FREM2: variants seen among roughly 807,000 people sequenced by gnomAD.
The protein encoded by FREM2 is FRAS1-related extracellular matrix protein 2.
FREM2 carries 119 observed loss-of-function variants against 219.9 expected under a neutral mutation model. The ratio of observed to expected loss-of-function variants is 0.54; its 90% CI spans 0.47 to 0.63. The LOEUF is 0.63. FREM2 is among the 30% of genes least tolerant of loss of function. The pLI is 0.00. For synonymous variants in FREM2, 1,562 were observed against 1,522.8 expected (o/e 1.03, Z -0.60); for missense variants, 4,030 against 3,993.6 (o/e 1.01, Z -0.25).
Position 38,769,705 on chromosome 13 carries a change from G to A in FREM2, c.5538G>A (p.Glu1846=). Residue 1846 remains glutamate (E), a synonymous_variant, in exon 4 of 24, where the codon GAG becomes GAA. Coordinates refer to ENST00000280481, the MANE Select transcript of FREM2 (RefSeq NM_207361.6). Reference sequence around the variant, plus strand: ...GAGTGCGGATCCTGAGTGATGGGGAGCATGAGCAGTCTGAAACCTTTCAGG... The same window carrying A: ...GAGTGCGGATCCTGAGTGATGGGGAACATGAGCAGTCTGAAACCTTTCAGG... The part of the protein sequence containing the change: ...TWRVRILSDG[E]HEQSETFQVV... 1.2e-6 allele frequency: 2 copies of A among 1,614,138 alleles called. No individual in the cohort carries two copies. Among genetic ancestry groups the A allele is most frequent in the East Asian group, 2.2e-5 (1 of 44,876 alleles).
rs1243519803 is a variant in FREM2 at position 38,687,897 on chromosome 13, A to C, written c.553A>C (p.Asn185His). ...VFTQLEVVTR[N>H]LPLVVEELLG... ...CACCCAGCTGGAGGTTGTGACTCGG[A>C]ACTTGCCTCTGGTCGTGGAAGAGCT... The change falls in exon 1 of 24, where the codon AAC becomes CAC. Residue 185 changes from asparagine to histidine, a missense_variant. This residue lies in a region of FREM2 where 3,102 missense variants were observed against 2,950.7 expected (regional missense o/e 1.05). Coordinates refer to ENST00000280481, the MANE Select transcript of FREM2 (RefSeq NM_207361.6). 11 of 1,589,040 alleles carry C rather than the reference A, an allele frequency of 6.9e-6. No individual in the cohort carries two copies. The highest frequency in any genetic ancestry group is 8.6e-6 in the Non-Finnish European group (10 of 1,165,938).
intron 2 of FREM2, among the ~76,000 whole-genome samples, chr13:38,741,988 A>G (rs1452102364): frequency 6.6e-6 from 1 of 152,218 alleles, no homozygotes; most frequent in Non-Finnish European, 1.5e-5. Flanking sequence ...GAAATACACT[A>G]TGAGTAAACA....
At chr13:38,880,198 C>A in intron 23 of FREM2, 86 bp from the exon 24 acceptor site, 1 of 1,306,332 alleles carries the variant, frequency 7.7e-7, no homozygotes, top group Non-Finnish European at 1.1e-6. Context: ...ATTAATATCT[C>A]TGCCATTAAT....
chr13:38,715,605 T>A (rs1870966614), intron 2 of FREM2, among the ~76,000 whole-genome samples: 1 of 148,718 alleles, frequency 6.7e-6, no homozygotes, highest in South Asian at 2.1e-4. Context: ...ACCAGTTGGT[T>A]TTTTTTTTTT....
chr13:38,863,092 C>A (rs1267808842), intron 15 of FREM2, among the ~76,000 whole-genome samples: 1 of 152,058 alleles, frequency 6.6e-6, no homozygotes, highest in East Asian at 1.9e-4. Context: ...CTCTGTTACC[C>A]AGGCTGGAGT....
rs192125026 is a variant in FREM2 at position 38,696,965 on chromosome 13, A to C, written c.5174-733A>C. ...TGGGATTACAGGAACGCACCACCACACCCAGCCAATTTTTAATAGAGACAG... is the reference window on the plus strand; with the variant it reads ...TGGGATTACAGGAACGCACCACCACCCCCAGCCAATTTTTAATAGAGACAG... On this transcript the variant is annotated intron_variant, in intron 1 of 23. Transcript: ENST00000280481. 6.6e-5 allele frequency among the ~76,000 whole-genome samples: 10 copies of C among 151,752 alleles called. No homozygotes were observed. The East Asian group carries it at 1.9e-3, about 30-fold the overall frequency.
Position 38,857,875 on chromosome 13 carries a change from T to C in FREM2, c.7057T>C (p.Leu2353=), listed in dbSNP as rs1431069503. The C allele has an allele frequency of 8.1e-6, 13 of 1,612,852 alleles. No individual in the cohort carries two copies. The highest frequency in any genetic ancestry group is 1.6e-4 in the Middle Eastern group (1 of 6,078). The part of the protein sequence containing the change: ...PDENMIAEMQ[L]TKAIVYIEEM... ...AGTGATAATTGTCTTTTCCTTCTAGTTGACGAAAGCCATTGTGTACATAGA... is the reference window on the plus strand; with the variant it reads ...AGTGATAATTGTCTTTTCCTTCTAGCTGACGAAAGCCATTGTGTACATAGA... The change falls in exon 13 of 24, where the codon TTG becomes CTG. Residue 2353 remains leucine, a splice_region_variant and synonymous_variant. Transcript: ENST00000280481.
chr13:38,851,230 G>A, intron 10 of FREM2, 122 bp downstream of exon 10: 1 of 906,678 alleles, frequency 1.1e-6, no homozygotes, highest in Non-Finnish European at 1.7e-6. Flanking sequence ...GGGTTTTTAA[G>A]CAATTGAGAA....
intron 1 of FREM2, among the ~76,000 whole-genome samples, chr13:38,694,207 T>A (rs1870013852): frequency 6.6e-6 from 1 of 152,260 alleles, no homozygotes; most frequent in Non-Finnish European, 1.5e-5. Flanking sequence ...AGGCAGTTGT[T>A]CTTTCTCTTA....
At chr13:38,693,963 A>C (rs1353462136) in intron 1 of FREM2, among the ~76,000 whole-genome samples, 2 of 152,194 alleles carry the variant, frequency 1.3e-5, no homozygotes, top group African/African-American at 4.8e-5. Context: ...ACACTGGTTT[A>C]TTTTCATGGA....
At position 38,872,821 on chromosome 13, in the gene FREM2, T is replaced by A. The variant is rs1171604561; in HGVS notation, c.8063T>A (p.Val2688Glu). The change falls in exon 17 of 24, where the codon GTA becomes GAA. Residue 2688 changes from valine to glutamate, a missense_variant. Val to Glu is a moderately radical substitution (Grantham distance 121). Around this residue, in one of 2 missense-constraint regions of FREM2, gnomAD observed 928 missense variants for 1,042.9 expected, o/e 0.89. Transcript: ENST00000280481. Reference protein sequence around the residue: ...VSYVFHSPVGVGGWQHFDLKS... With the variant: ...VSYVFHSPVGEGGWQHFDLKS... ...TACGTGTTCCATTCCCCCGTGGGGG[T>A]AGGAGGCTGGCAGCATTTTGACTTG... 1 of 1,613,924 alleles carries A rather than the reference T, an allele frequency of 6.2e-7. No homozygotes were observed. The highest frequency in any genetic ancestry group is 1.7e-5 in the Admixed American group (1 of 60,010).
chr13:38,864,568 C>T lies in FREM2; in HGVS notation c.7945C>T (p.Leu2649Phe). 1 of 1,614,212 alleles carries T rather than the reference C, an allele frequency of 6.2e-7. No homozygotes were observed. Among genetic ancestry groups the T allele is most frequent in the Non-Finnish European group, 8.5e-7 (1 of 1,180,020 alleles). Residue 2649 changes from leucine to phenylalanine, a missense_variant, in exon 16 of 24, where the codon CTT (leucine) becomes TTT (phenylalanine). Physicochemically the swap from Leu to Phe is conservative, Grantham distance 22. Around this residue, in one of 2 missense-constraint regions of FREM2, gnomAD observed 928 missense variants for 1,042.9 expected, o/e 0.89. Transcript: ENST00000280481. Reference protein sequence around the residue: ...FVSYYDMSELLADCGGTIGTD... With the variant: ...FVSYYDMSELFADCGGTIGTD... ...TAGCTACTATGACATGTCAGAACTC[C>T]TTGCTGACTGTGGTGGCACCATTGG...
chr13:38,703,187 A>G (rs1259495833), intron 2 of FREM2, among the ~76,000 whole-genome samples: 1 of 152,160 alleles, frequency 6.6e-6, no homozygotes, highest in Non-Finnish European at 1.5e-5. Context: ...CAAAATAATT[A>G]CTGATAATTA....
At position 38,690,994 on chromosome 13, in the gene FREM2, A is replaced by ATGCTGATGTTCCCCTGG; in HGVS notation, c.3651_3667dup (p.Asp1223ValfsTer9). 6.2e-7 allele frequency: 1 copy of ATGCTGATGTTCCCCTGG among 1,614,110 alleles called. No homozygotes were observed. On this transcript the variant is annotated frameshift_variant, in exon 1 of 24. Transcript: ENST00000280481. LOFTEE classifies it high-confidence loss of function. The stretch of plus-strand genomic sequence containing the variant: ...GATACACCCATTCTCAATGCTGCTG[A>ATGCTGATGTTCCCCTGG]TGCTGATGTTCCCCTGGATGATTTA...
chr13:38,749,201 C>G lies in FREM2; in HGVS notation c.5264-15103C>G, dbSNP rs189885376. On this transcript the variant is annotated intron_variant, in intron 2 of 23. Transcript: ENST00000280481. Reference sequence around the variant, plus strand: ...ATGCATACAGTATCAAACTTTGACACAGTTTGGTGCATTTCTCAAGATCCT... The same window carrying G: ...ATGCATACAGTATCAAACTTTGACAGAGTTTGGTGCATTTCTCAAGATCCT... 3.2e-4 allele frequency among the ~76,000 whole-genome samples: 49 copies of G among 152,256 alleles called. No individual in the cohort carries two copies. In the East Asian group the frequency reaches 8.5e-3, roughly 26 times the overall value.
intron 2 of FREM2, among the ~76,000 whole-genome samples, chr13:38,752,226 C>T (rs151269529): frequency 5.9e-5 from 9 of 152,220 alleles, no homozygotes; most frequent in African/African-American, 1.9e-4. Context: ...TCCTTCTCTC[C>T]TTCCTTTTTG....
chr13:38,754,266 G>A (rs1005901570), intron 2 of FREM2, among the ~76,000 whole-genome samples: 3 of 152,070 alleles, frequency 2.0e-5, no homozygotes, highest in African/African-American at 7.2e-5. Context: ...CCTTTGCTTT[G>A]TCACATAATA....
At chr13:38,769,320 GT>G (rs1195970168) in intron 3 of FREM2, among the ~76,000 whole-genome samples, 1 of 152,136 alleles carries the variant, frequency 6.6e-6, no homozygotes, top group Middle Eastern at 3.2e-3. Context: ...TTGACAAGAA[GT>G]TCTAATCCAA....
intron 2 of FREM2, among the ~76,000 whole-genome samples, chr13:38,716,755 G>A (rs1411482141): frequency 1.3e-5 from 2 of 152,096 alleles, no homozygotes; most frequent in Non-Finnish European, 2.9e-5. Context: ...TAATCCTCCC[G>A]CCTCGGCCTC....
Sources: allele counts gnomAD v4.1 joint callset (sites outside exome capture counted in the v4.1 genomes callset), GRCh38; gene constraint gnomAD v4.1.1; regional missense constraint gnomAD v4.1.1; transcripts MANE v1.5; gene names NCBI Gene and HGNC (gene_info 2026-07-23, HGNC 2026-07-21).